Variants in BMAL2 observed in about 807,000 individuals in gnomAD.
BMAL2 encodes basic helix-loop-helix ARNT like 2.
At chr12:27,334,333 G>T in the BMAL2 span, among the ~76,000 whole-genome samples, 1 of 152,206 alleles carries the variant, frequency 6.6e-6, no homozygotes, top group African/African-American at 2.4e-5. Flanking sequence ...GTAAAATGGA[G>T]ATAACTATGC....
chr12:27,350,487 T>G, the BMAL2 span, among the ~76,000 whole-genome samples: 1 of 152,188 alleles, frequency 6.6e-6, no homozygotes, highest in African/African-American at 2.4e-5. Context: ...CATGAAGATG[T>G]TCCACAGAAG....
chr12:27,386,215 A>G, the BMAL2 span, among the ~76,000 whole-genome samples: 1 of 152,132 alleles, frequency 6.6e-6, no homozygotes, highest in African/African-American at 2.4e-5. Context: ...TCTGGCAGGG[A>G]TAGAAAGGAT....
the BMAL2 span, among the ~76,000 whole-genome samples, chr12:27,344,007 A>C: frequency 3.9e-5 from 6 of 152,090 alleles, no homozygotes; most frequent in Non-Finnish European, 5.9e-5. Context: ...ATCTTTATTG[A>C]GTATTTACTA....
the BMAL2 span, among the ~76,000 whole-genome samples, chr12:27,369,494 C>G: frequency 6.6e-6 from 1 of 152,302 alleles, no homozygotes; most frequent in Admixed American, 6.5e-5. Flanking sequence ...TTAGTCTCTT[C>G]CATTAACATG....
chr12:27,390,238 A>AGGT, the BMAL2 span: 1 of 1,613,544 alleles, frequency 6.2e-7, no homozygotes, highest in Non-Finnish European at 8.5e-7. Context: ...CAAAGAAGAA[A>AGGT]GGTATCATTT....
At chr12:27,368,328 C>G in the BMAL2 span, 3 of 1,614,126 alleles carry the variant, frequency 1.9e-6, no homozygotes, top group Non-Finnish European at 2.5e-6. Flanking sequence ...AGTCCAGGGA[C>G]AAGACCAACA....
chr12:27,385,576 T>C, the BMAL2 span: 1 of 1,522,460 alleles, frequency 6.6e-7, no homozygotes. Context: ...TAAAGATATA[T>C]TTGTCTAAGT....
At chr12:27,415,831 T>C in the BMAL2 span, 3 of 1,419,686 alleles carry the variant, frequency 2.1e-6, no homozygotes, top group Non-Finnish European at 3.0e-6. Flanking sequence ...TTCTAAAATA[T>C]GTAAAATTAA....
the BMAL2 span, among the ~76,000 whole-genome samples, chr12:27,360,824 A>AAAAAAAAAAAAAAAAAAAAAAAT: frequency 1.3e-5 from 2 of 149,678 alleles, no homozygotes; most frequent in African/African-American, 2.4e-5. Flanking sequence ...AAAAAAAAAA[A>AAAAAAAAAAAAAAAAAAAAAAAT]ACAGTACTAA....
the BMAL2 span, among the ~76,000 whole-genome samples, chr12:27,357,124 A>G: frequency 8.5e-3 from 1,289 of 152,288 alleles, 14 homozygotes; most frequent in African/African-American, 0.029. Context: ...TATTTTATAT[A>G]TATCACAATT....
chr12:27,403,895 GGTCAT>G, the BMAL2 span, among the ~76,000 whole-genome samples: 1 of 151,940 alleles, frequency 6.6e-6, no homozygotes, highest in South Asian at 2.1e-4. Flanking sequence ...AGGCATGGTG[GGTCAT>G]GCCTGTAATC....
chr12:27,397,046 T>TTTTGTTTG, the BMAL2 span, among the ~76,000 whole-genome samples: 3 of 151,698 alleles, frequency 2.0e-5, no homozygotes, highest in Admixed American at 2.0e-4. Flanking sequence ...TTCACTGTGG[T>TTTTGTTTG]TTTGTTTGTT....
the BMAL2 span, chr12:27,389,365 CA>C: frequency 9.3e-7 from 1 of 1,079,160 alleles, no homozygotes; most frequent in East Asian, 2.4e-5. Flanking sequence ...TTTAGCTACA[CA>C]GTGTTTTTAA....
At chr12:27,385,536 T>C in the BMAL2 span, 1 of 1,601,806 alleles carries the variant, frequency 6.2e-7, no homozygotes, top group Middle Eastern at 1.7e-4. Flanking sequence ...TTCAGGATAA[T>C]GAGCTCAGAC....
the BMAL2 span, among the ~76,000 whole-genome samples, chr12:27,377,160 G>A: frequency 2.0e-5 from 3 of 151,998 alleles, no homozygotes; most frequent in African/African-American, 7.3e-5. Flanking sequence ...TTTTCTGATA[G>A]GATTCTACAA....
the BMAL2 span, among the ~76,000 whole-genome samples, chr12:27,353,047 A>G: frequency 0.03 from 4,506 of 151,652 alleles, 88 homozygotes; most frequent in South Asian, 0.092. Context: ...CAAGCTACCA[A>G]TGTTATTTTT....
At chr12:27,386,582 AATTGT>A in the BMAL2 span, among the ~76,000 whole-genome samples, 1 of 152,084 alleles carries the variant, frequency 6.6e-6, no homozygotes, top group Non-Finnish European at 1.5e-5. Flanking sequence ...ATCCACAGGC[AATTGT>A]TGTTCTGCAT....
chr12:27,345,292 T>G, the BMAL2 span, among the ~76,000 whole-genome samples: 1 of 152,232 alleles, frequency 6.6e-6, no homozygotes. Context: ...AAATTCATTC[T>G]AGGTGTCTTT....
At chr12:27,377,388 A>G in the BMAL2 span, 4 of 152,224 alleles carry the variant, frequency 2.6e-5, no homozygotes, top group Non-Finnish European at 5.9e-5. Context: ...CAGCATCATC[A>G]TTGACCTTCT....
Sources: gnomAD v4.1 joint callset for allele counts (sites outside exome capture counted in the v4.1 genomes callset) on GRCh38, gnomAD v4.1.1 for gene constraint, MANE v1.5 for transcripts, NCBI Gene and HGNC (gene_info 2026-07-23, HGNC 2026-07-21) for gene names.